The following SLX4IP variants were observed in gnomAD, a reference collection of about 807,000 sequenced individuals.
The protein encoded by SLX4IP is protein SLX4IP.
Under a neutral mutation model 32.9 loss-of-function variants are expected in SLX4IP, and 34 were observed. The observed-to-expected ratio is 1.03, with a 90% CI of 0.79 to 1.38. The LOEUF is 1.38. SLX4IP is among the 40% of genes most tolerant of loss of function. The pLI is 0.00. For synonymous variants in SLX4IP, 172 were observed against 171.7 expected (o/e 1.00, Z -0.01); for missense variants, 444 against 479.0 (o/e 0.93, Z 0.68).
intron 6 of SLX4IP, among the ~76,000 whole-genome samples, chr20:10,603,843 G>A (rs2066871278): frequency 6.6e-6 from 1 of 152,040 alleles, no homozygotes; most frequent in Admixed American, 6.6e-5. Context: ...TCAAGTAAAG[G>A]TCCCTCTCCC....
intron 2 of SLX4IP, among the ~76,000 whole-genome samples, chr20:10,492,896 AT>A (rs1222405225): frequency 6.6e-6 from 1 of 151,948 alleles, no homozygotes; most frequent in Non-Finnish European, 1.5e-5. Flanking sequence ...AAATAGACAT[AT>A]TTTTTATGTA....
intron 5 of SLX4IP, 86 bp downstream of exon 5, chr20:10,598,838 G>GAGCA (rs2066806625): frequency 7.4e-7 from 1 of 1,343,342 alleles, no homozygotes; most frequent in South Asian, 1.2e-5. Flanking sequence ...AAGGAGTGGA[G>GAGCA]AGTCCCACTT....
rs2067170768 is a variant in SLX4IP, at chr20:10,626,174, C to T, written c.*2795C>T. 1 of 146,264 alleles carries T rather than the reference C, an allele frequency of 6.8e-6. No individual in the cohort carries two copies. Among genetic ancestry groups the T allele is most frequent in the Admixed American group, 6.9e-5 (1 of 14,392 alleles). The allele number at this position is 146,264 out of a possible 1,614,324, so 9.1% of individuals were successfully genotyped here. A position where few individuals can be genotyped will look rare whatever the true frequency, so the allele number is the denominator to read the frequency against. On this transcript the variant is annotated 3_prime_UTR_variant, in exon 8 of 8. Coordinates refer to ENST00000334534, the MANE Select transcript of SLX4IP (RefSeq NM_001009608.3). ...GGACTACAGACGCTCGCCACCACGCCCGGCTAATTTTTTGTATTTTTTTTT... is the reference window on the plus strand; with the variant it reads ...GGACTACAGACGCTCGCCACCACGCTCGGCTAATTTTTTGTATTTTTTTTT...
At chr20:10,467,698 G>C (rs561663373) in intron 2 of SLX4IP, among the ~76,000 whole-genome samples, 3 of 152,248 alleles carry the variant, frequency 2.0e-5, no homozygotes, top group African/African-American at 7.2e-5. Flanking sequence ...TGCTGATTTC[G>C]TGAAAGAATT....
intron 6 of SLX4IP, among the ~76,000 whole-genome samples, chr20:10,612,094 T>C (rs1396707957): frequency 6.6e-6 from 1 of 152,114 alleles, no homozygotes; most frequent in Non-Finnish European, 1.5e-5. Flanking sequence ...AGATGAGATG[T>C]TGGGAAAAGG....
At chr20:10,497,511 G>A (rs1180795570) in intron 2 of SLX4IP, among the ~76,000 whole-genome samples, 1 of 151,892 alleles carries the variant, frequency 6.6e-6, no homozygotes, top group East Asian at 1.9e-4. Context: ...TTCAAATATG[G>A]TTTTCTACTA....
At chr20:10,548,394 A>G (rs2066185573) in intron 2 of SLX4IP, among the ~76,000 whole-genome samples, 1 of 151,948 alleles carries the variant, frequency 6.6e-6, no homozygotes. Flanking sequence ...GCCCGCCACC[A>G]CGCCCGGCTA....
chr20:10,464,401 C>T (rs2065363382), intron 2 of SLX4IP, among the ~76,000 whole-genome samples: 1 of 152,118 alleles, frequency 6.6e-6, no homozygotes, highest in Non-Finnish European at 1.5e-5. Context: ...AAAATGTAGG[C>T]TGCGTACAGT....
rs142405982 is a variant in SLX4IP, at chr20:10,503,806, C to G, written c.27+45575C>G. Among the ~76,000 whole-genome samples the G allele has an allele frequency of 3.9e-5, 6 of 152,282 alleles. No homozygotes were observed. In the East Asian group the frequency reaches 1.2e-3, roughly 29 times the overall value. The stretch of plus-strand genomic sequence containing the variant: ...GTGTTTGTTGGCAACCCTAGGCCTT[C>G]TTGGGTTTGTAAATGCATTGCAATC... On this transcript the variant is annotated intron_variant, in intron 2 of 7. Coordinates refer to ENST00000334534, the MANE Select transcript of SLX4IP (RefSeq NM_001009608.3).
chr20:10,446,870 A>C (rs1052259842), intron 1 of SLX4IP, among the ~76,000 whole-genome samples: 1 of 149,106 alleles, frequency 6.7e-6, no homozygotes, highest in Non-Finnish European at 1.5e-5. Context: ...CCTTTGTTAG[A>C]TATGGATTGC....
chr20:10,439,051 A>T (rs1442435769), intron 1 of SLX4IP, among the ~76,000 whole-genome samples: 1 of 151,786 alleles, frequency 6.6e-6, no homozygotes. Context: ...GAGTTTTGAT[A>T]GTTTATTCCT....
At chr20:10,586,554 C>T (rs2066647693) in intron 4 of SLX4IP, among the ~76,000 whole-genome samples, 1 of 152,036 alleles carries the variant, frequency 6.6e-6, no homozygotes, top group Non-Finnish European at 1.5e-5. Context: ...ACAGAAACAA[C>T]CCCAGACTAA....
intron 1 of SLX4IP, among the ~76,000 whole-genome samples, chr20:10,457,036 A>G (rs1291081267): frequency 6.6e-6 from 1 of 152,208 alleles, no homozygotes. Context: ...GTTGATATGT[A>G]GCAATACAGT....
chr20:10,441,278 A>G (rs2065157725), intron 1 of SLX4IP, among the ~76,000 whole-genome samples: 1 of 152,152 alleles, frequency 6.6e-6, no homozygotes, highest in Admixed American at 6.6e-5. Flanking sequence ...TCTACAAAAA[A>G]TACAAAAATT....
intron 2 of SLX4IP, among the ~76,000 whole-genome samples, chr20:10,529,590 C>CAAAAAAAAA (rs71334410): frequency 1.9e-5 from 1 of 53,640 alleles, no homozygotes; most frequent in African/African-American, 7.8e-5. Context: ...GACTCCATCT[C>CAAAAAAAAA]AAAAAAAAAA....
intron 2 of SLX4IP, among the ~76,000 whole-genome samples, chr20:10,505,357 C>T (rs1225574948): frequency 6.6e-6 from 1 of 152,082 alleles, no homozygotes; most frequent in East Asian, 1.9e-4. Flanking sequence ...AGGGTGGAGC[C>T]CCTGCTTAAA....
At chr20:10,606,405 AAAATG>A (rs1389694385) in intron 6 of SLX4IP, among the ~76,000 whole-genome samples, 1 of 152,208 alleles carries the variant, frequency 6.6e-6, no homozygotes, top group Non-Finnish European at 1.5e-5. Flanking sequence ...TTGTGTTTAG[AAAATG>A]AAATAAGTAG....
chr20:10,610,772 T>C (rs762413387), intron 6 of SLX4IP, among the ~76,000 whole-genome samples: 28 of 152,256 alleles, frequency 1.8e-4, no homozygotes, highest in Non-Finnish European at 4.0e-4. Flanking sequence ...AGTCAATACA[T>C]ACATGCTTGT....
In SLX4IP at chr20:10,624,851, C is replaced by T. The variant is rs182597356; in HGVS notation, c.*1472C>T. The T allele has an allele frequency of 6.6e-6, 1 of 152,194 alleles. No individual in the cohort carries two copies. Among genetic ancestry groups the T allele is most frequent in the African/African-American group, 2.4e-5 (1 of 41,424 alleles). The allele number at this position is 152,194 out of a possible 1,614,324, so 9.4% of individuals were successfully genotyped here. A position where few individuals can be genotyped will look rare whatever the true frequency, so the allele number is the denominator to read the frequency against. On this transcript the variant is annotated 3_prime_UTR_variant, in exon 8 of 8. Coordinates refer to ENST00000334534, the MANE Select transcript of SLX4IP (RefSeq NM_001009608.3). ...TATATTTCATGGCACCATTTTGGGTCATGAAATTCCATCTTGGTCACCAAG... is the reference window on the plus strand; with the variant it reads ...TATATTTCATGGCACCATTTTGGGTTATGAAATTCCATCTTGGTCACCAAG...
Sources: gnomAD v4.1 joint callset for allele counts (sites outside exome capture counted in the v4.1 genomes callset) on GRCh38, gnomAD v4.1.1 for gene constraint, MANE v1.5 for transcripts, NCBI Gene and HGNC (gene_info 2026-07-23, HGNC 2026-07-21) for gene names.